Variants in CACNA1S observed in about 807,000 individuals in gnomAD.
CACNA1S encodes the protein voltage-dependent L-type calcium channel subunit alpha-1S.
Under a neutral mutation model 207.4 loss-of-function variants are expected in CACNA1S, and 126 were observed. The ratio of observed to expected loss-of-function variants is 0.61; its 90% CI spans 0.53 to 0.70. CACNA1S has a LOEUF of 0.70. CACNA1S is among the 30% of genes least tolerant of loss of function. The probability of loss-of-function intolerance (pLI) is 0.00; values close to 1 mark genes in which losing one functional copy is unlikely to be tolerated. For missense variants in CACNA1S, 2,349 were observed against 2,422.8 expected (o/e 0.97, Z 0.64); for synonymous variants, 960 against 932.7 (o/e 1.03, Z -0.53).
rs115544468 is a variant in CACNA1S, at chr1:201,105,864, C to T, written c.258+4300G>A. Among the ~76,000 whole-genome samples the T allele has an allele frequency of 1.2e-3, 188 of 152,300 alleles. 1 individual carries two copies. The highest frequency in any genetic ancestry group is 4.3e-3 in the African/African-American group (179 of 41,552). Reference sequence around the variant, plus strand: ...TTCCCACAGACAGCAGTCACACCCCCGGCCCTGCTCGCACACACGGCAACT... The same window carrying T: ...TTCCCACAGACAGCAGTCACACCCCTGGCCCTGCTCGCACACACGGCAACT... On this transcript the variant is annotated intron_variant, in intron 2 of 43. Coordinates refer to ENST00000362061, the MANE Select transcript of CACNA1S (RefSeq NM_000069.3).
rs150218077 is a variant in CACNA1S at position 201,083,207 on chromosome 1, C to T, written c.1348G>A (p.Ala450Thr). The change falls in exon 10 of 44, where the codon GCC (alanine) becomes ACC (threonine). Residue 450 changes from alanine to threonine, a missense_variant. Physicochemically the swap from Ala to Thr is moderately conservative, Grantham distance 58. Coordinates refer to ENST00000362061, the MANE Select transcript of CACNA1S (RefSeq NM_000069.3). ...AGAGGCTGGTTGTGGTGCTCTGAGG[C>T]GATAGACAGGGTGTTGAGGGCAACG... The part of the protein sequence containing the change: ...LIVALNTLSI[A>T]SEHHNQPLWL... The T allele has an allele frequency of 9.0e-5, 145 of 1,613,994 alleles. No individual in the cohort carries two copies. The highest frequency in any genetic ancestry group is 1.9e-4 in the African/African-American group (14 of 74,882).
intron 33 of CACNA1S, 57 bp from the exon 34 acceptor site, chr1:201,050,573 G>C (rs941286743): frequency 2.7e-5 from 43 of 1,610,070 alleles, no homozygotes; most frequent in Non-Finnish European, 3.5e-5. Context: ...ACAGGGTTAG[G>C]GTGGGGGAGC....
chr1:201,057,759 G>A lies in CACNA1S; in HGVS notation c.3609+649C>T, dbSNP rs138832875. On this transcript the variant is annotated intron_variant, in intron 28 of 43. Coordinates refer to ENST00000362061, the MANE Select transcript of CACNA1S (RefSeq NM_000069.3). ...GGTGGATCACTTGAGCCCAGGACTT[G>A]GAGACCAGCCTGGGCAACACGAGGA... 5.3e-3 allele frequency among the ~76,000 whole-genome samples: 805 copies of A among 152,222 alleles called. 9 individuals are homozygous for A. Among genetic ancestry groups the A allele is most frequent in the Middle Eastern group, 6.8e-3 (2 of 294 alleles).
chr1:201,041,829 TTTCTACA>T, intron 40 of CACNA1S: 1 of 580,940 alleles, frequency 1.7e-6, no homozygotes, highest in Non-Finnish European at 3.1e-6. Context: ...CCCTCTACCC[TTTCTACA>T]TTCTGTTCAT....
chr1:201,039,642 G>C lies in CACNA1S; in HGVS notation c.*189C>G. The C allele has an allele frequency of 1.5e-6, 1 of 678,202 alleles. No individual in the cohort carries two copies. The highest frequency in any genetic ancestry group is 1.8e-5 in the South Asian group (1 of 55,386). The allele number at this position is 678,202 out of a possible 1,614,324, so 42.0% of individuals were successfully genotyped here. A position where few individuals can be genotyped will look rare whatever the true frequency, so the allele number is the denominator to read the frequency against. On this transcript the variant is annotated 3_prime_UTR_variant, in exon 44 of 44. Transcript: ENST00000362061. ...CCAATCATGCCTCTTGCTGGTGAGG[G>C]GCAGGGCCTGTCCAGCTACTTCCTC...
chr1:201,055,943 C>G (rs75210806), intron 28 of CACNA1S, among the ~76,000 whole-genome samples: 295 of 152,278 alleles, frequency 1.9e-3, no homozygotes, highest in African/African-American at 6.8e-3. Flanking sequence ...TTAGATTTCT[C>G]TGTTCTGGCT....
At position 201,041,492 on chromosome 1, in the gene CACNA1S, G is replaced by A; in HGVS notation, c.5134+12C>T. 1 of 1,606,618 alleles carries A rather than the reference G, an allele frequency of 6.2e-7. No homozygotes were observed. The highest frequency in any genetic ancestry group is 8.5e-7 in the Non-Finnish European group (1 of 1,173,322). ...AAGACTCAAGCTTCTTAGATGCACA[G>A]AAGGGACTGACCCAGGACCCTGCAG... On this transcript the variant is annotated intron_variant, in intron 41 of 43. Coordinates refer to ENST00000362061, the MANE Select transcript of CACNA1S (RefSeq NM_000069.3).
In CACNA1S at chr1:201,058,479, C is replaced by T. The variant is rs775845281; in HGVS notation, c.3538G>A (p.Asp1180Asn). 3.7e-6 allele frequency: 6 copies of T among 1,613,752 alleles called. No homozygotes were observed. Among genetic ancestry groups the T allele is most frequent in the Non-Finnish European group, 5.1e-6 (6 of 1,179,618 alleles). Residue 1180 changes from aspartate to asparagine, a missense_variant, in exon 28 of 44, where the codon GAC becomes AAC. Physicochemically the swap from Asp to Asn is conservative, Grantham distance 23. Transcript: ENST00000362061. ...MAFKARGYFG[D>N]PWNVFDFLIV... ...AGGAAGTCAAACACATTCCAGGGGT[C>T]TCCAAAGTAGCCCTGGGAAGGAAAA... is the stretch of plus-strand genomic sequence containing the variant.
In CACNA1S at chr1:201,062,386, GTGCTCCCTGCCCCGTGACTGTCCCACCA is replaced by G. The variant is rs1326191575; in HGVS notation, c.2906+48_2906+75del. 8.7e-5 allele frequency: 124 copies of G among 1,422,134 alleles called. 6 individuals carry two copies. In the African/African-American group the frequency reaches 9.7e-4, roughly 11 times the overall value. The allele number at this position is 1,422,134 out of a possible 1,614,324, so 88.1% of individuals were successfully genotyped here. On this transcript the variant is annotated intron_variant, in intron 23 of 43. Transcript: ENST00000362061. Reference sequence around the variant, plus strand: ...GCCCCGTGACCGTAACCCTCCCACAGTGCTCCCTGCCCCGTGACTGTCCCACCATGCTCCCTGCCCCGTGACCGTCCCA... The same window carrying G: ...GCCCCGTGACCGTAACCCTCCCACAGTGCTCCCTGCCCCGTGACCGTCCCA...
At position 201,053,735 on chromosome 1, in the gene CACNA1S, C is replaced by T. The variant is rs1660739137; in HGVS notation, c.3667-148G>A. On this transcript the variant is annotated intron_variant, in intron 29 of 43. Transcript: ENST00000362061. This position sits in a 1 kb window ranked among gnomAD's most constrained non-coding sequence, Gnocchi z 5.1. ...CCCCGCCTCTGGCCCCTGCTGTCCA[C>T]TAGTTCGGGACCATCCTTGGGCACA... 1 of 825,716 alleles carries T rather than the reference C, an allele frequency of 1.2e-6. No individual in the cohort carries two copies. The highest frequency in any genetic ancestry group is 2.2e-5 in the Admixed American group (1 of 45,978). The allele number at this position is 825,716 out of a possible 1,614,324, so 51.1% of individuals were successfully genotyped here. A position where few individuals can be genotyped will look rare whatever the true frequency, so the allele number is the denominator to read the frequency against.
chr1:201,047,198 T>G lies in CACNA1S; in HGVS notation c.4585A>C (p.Ile1529Leu). 6.2e-7 allele frequency: 1 copy of G among 1,614,184 alleles called. No individual in the cohort carries two copies. The highest frequency in any genetic ancestry group is 8.5e-7 in the Non-Finnish European group (1 of 1,180,026). ...ATGAACTTCCGGAAGTGCTCCTGGA[T>G]GAGGAATGTGGCGTAGAACTTCCCC... is the stretch of plus-strand genomic sequence containing the variant. ...TVGKFYATFL[I>L]QEHFRKFMKR... Residue 1529 changes from isoleucine to leucine, a missense_variant, in exon 38 of 44, where the codon ATC becomes CTC. Ile to Leu is a conservative substitution (Grantham distance 5). Transcript: ENST00000362061.
chr1:201,056,207 G>T (rs1020909440), intron 28 of CACNA1S, among the ~76,000 whole-genome samples: 4 of 152,196 alleles, frequency 2.6e-5, no homozygotes, highest in African/African-American at 9.7e-5. Context: ...TGCATGGAGG[G>T]TGAACAGGGT....
intron 35 of CACNA1S, 110 bp from the exon 36 acceptor site, chr1:201,048,794 G>T: frequency 3.1e-6 from 3 of 963,648 alleles, no homozygotes; most frequent in East Asian, 2.4e-5. Flanking sequence ...GAGGGCTGGG[G>T]GTGTCAGCTG....
chr1:201,100,477 A>G (rs1180333047), intron 2 of CACNA1S, among the ~76,000 whole-genome samples: 2 of 152,218 alleles, frequency 1.3e-5, no homozygotes, highest in African/African-American at 4.8e-5. Context: ...GTTTAGCCCA[A>G]CGAACGCTCA....
At position 201,059,326 on chromosome 1, in the gene CACNA1S, G is replaced by T. The variant is rs748460053; in HGVS notation, c.3415-27C>A. 6 of 1,512,800 alleles carry T rather than the reference G, an allele frequency of 4.0e-6. No homozygotes were observed. In the East Asian group the frequency reaches 1.1e-4, roughly 29 times the overall value. The allele number at this position is 1,512,800 out of a possible 1,614,324, so 93.7% of individuals were successfully genotyped here. ...TGTGGAGGGGACACAGGAGCAGTGG[G>T]TCAGGGGGGCCGGGTTTGCCCACCC... On this transcript the variant is annotated intron_variant, in intron 26 of 43. Coordinates refer to ENST00000362061, the MANE Select transcript of CACNA1S (RefSeq NM_000069.3).
At chr1:201,060,837 C>G (rs1484564885) in intron 25 of CACNA1S, 21 bp from the exon 26 acceptor site, 3 of 1,613,834 alleles carry the variant, frequency 1.9e-6, no homozygotes, top group East Asian at 2.2e-5. Context: ...TACAACAGGA[C>G]AGGTCAGCAC....
intron 19 of CACNA1S, among the ~76,000 whole-genome samples, chr1:201,067,213 C>T (rs1353772235): frequency 6.6e-6 from 1 of 152,206 alleles, no homozygotes; most frequent in Non-Finnish European, 1.5e-5. Flanking sequence ...GCAGCTGGGC[C>T]AGAAGTCTCT....
chr1:201,051,646 A>T (rs574716009), intron 32 of CACNA1S, among the ~76,000 whole-genome samples: 1 of 152,244 alleles, frequency 6.6e-6, no homozygotes, highest in East Asian at 1.9e-4. Flanking sequence ...ACATGTTTGC[A>T]TTTTTCCAGT....
At position 201,091,683 on chromosome 1, in the gene CACNA1S, G is replaced by A; in HGVS notation, c.651C>T (p.Leu217=). ...AGGTCTTGTGCATCTTGCCCTTGAA[G>A]AGCTCCAGCCCGATGATGGCATAGA... ...VIIYAIIGLE[L]FKGKMHKTCY... The change falls in exon 5 of 44, where the codon CTC becomes CTT. Residue 217 remains leucine, a synonymous_variant. Transcript: ENST00000362061. The A allele has an allele frequency of 1.2e-6, 2 of 1,614,244 alleles. No homozygotes were observed.
Sources: gnomAD v4.1 joint callset for allele counts (sites outside exome capture counted in the v4.1 genomes callset) on GRCh38, gnomAD v4.1.1 for gene constraint, Gnocchi (gnomAD v3.1) non-coding constraint, MANE v1.5 for transcripts, NCBI Gene and HGNC (gene_info 2026-07-23, HGNC 2026-07-21) for gene names.